The following DST variants were observed in gnomAD, a reference collection of about 807,000 sequenced individuals.
The protein encoded by DST is bullous pemphigoid antigen.
DST carries 253 observed loss-of-function variants against 875.2 expected under a neutral mutation model. The ratio of observed to expected loss-of-function variants is 0.29; its 90% confidence interval spans 0.26 to 0.32. The LOEUF is 0.32. Ranked by LOEUF, DST falls within the 10% of genes least tolerant of loss-of-function variation. The pLI is 1.00. For missense variants in DST, 8,287 were observed against 9,111.6 expected, an observed-to-expected ratio of 0.91 and a Z score of 3.68; for synonymous variants, 3,124 against 3,197.1, an observed-to-expected ratio of 0.98 and a Z score of 0.77.
At chr6:56,739,536 G>A (rs569609148) in intron 4 of DST, among the ~76,000 whole-genome samples, 1 of 152,226 alleles carries the variant, frequency 6.6e-6, no homozygotes, top group East Asian at 1.9e-4. Flanking sequence ...TCTTGAATAG[G>A]AGCTAGGTAA....
rs1202507145 is a variant in DST at position 56,557,449 on chromosome 6, T to C, written c.14510A>G (p.Asn4837Ser). The change falls in exon 59 of 104, where the codon AAT becomes AGT. Residue 4837 changes from asparagine to serine, a missense_variant. Around this residue, in one of 10 missense-constraint regions of DST, gnomAD observed 1,513 missense variants for 1,677.8 expected, o/e 0.90. Coordinates refer to ENST00000680361, the MANE Select transcript of DST (RefSeq NM_001374736.1). ...CTCTACAGTCTGGAACTGGGTTAGA[T>C]TATTGGAGGATTCTTCCAGTTTTTG... is the stretch of plus-strand genomic sequence containing the variant. ...RQQKLEESSN[N>S]LTQFQTVEAQ... 5.6e-6 allele frequency: 9 copies of C among 1,613,612 alleles called. No homozygotes were observed. Among genetic ancestry groups the C allele is most frequent in the Non-Finnish European group, 7.6e-6 (9 of 1,179,706 alleles).
At chr6:56,747,157 A>G (rs1362223513) in intron 4 of DST, among the ~76,000 whole-genome samples, 1 of 152,250 alleles carries the variant, frequency 6.6e-6, no homozygotes, top group Non-Finnish European at 1.5e-5. Context: ...GCCACAGAAC[A>G]AAACAAATGG....
chr6:56,487,016 G>T, intron 87 of DST, 88 bp downstream of exon 87: 1 of 1,293,596 alleles, frequency 7.7e-7, no homozygotes, highest in Non-Finnish European at 1.1e-6. Flanking sequence ...AAATATTTAA[G>T]GTTCCCGAAA....
intron 4 of DST, among the ~76,000 whole-genome samples, chr6:56,779,493 T>C (rs2099687328): frequency 6.6e-6 from 1 of 152,104 alleles, no homozygotes; most frequent in African/African-American, 2.4e-5. Context: ...GTCTAGGTTT[T>C]CTTCAAGGGT....
At chr6:56,776,768 A>G (rs1214635191) in intron 4 of DST, among the ~76,000 whole-genome samples, 1 of 152,172 alleles carries the variant, frequency 6.6e-6, no homozygotes, top group Admixed American at 6.5e-5. Context: ...CACCTAAATT[A>G]TTTATTTTTA....
At chr6:56,811,755 C>T (rs2099760202) in intron 4 of DST, among the ~76,000 whole-genome samples, 1 of 152,158 alleles carries the variant, frequency 6.6e-6, no homozygotes, top group African/African-American at 2.4e-5. Flanking sequence ...AAAGCACTCA[C>T]TTCTTTATTA....
intron 55 of DST, 104 bp downstream of exon 55, chr6:56,568,365 T>G: frequency 8.0e-7 from 1 of 1,255,148 alleles, no homozygotes; most frequent in Non-Finnish European, 1.1e-6. Flanking sequence ...CACTTTGTAT[T>G]TCTGAGGTTA....
chr6:56,515,995 T>A (rs890957201), intron 71 of DST, among the ~76,000 whole-genome samples: 1 of 151,840 alleles, frequency 6.6e-6, no homozygotes, highest in Admixed American at 6.6e-5. Flanking sequence ...AGAAAAAAAA[T>A]AAAGACCACT....
At chr6:56,566,889 A>G (rs142191821) in intron 55 of DST, among the ~76,000 whole-genome samples, 2,013 of 152,312 alleles carry the variant, frequency 0.013, 34 homozygotes, top group Non-Finnish European at 0.019. Flanking sequence ...AAAAGAAAAT[A>G]AATCGATTAT....
intron 16 of DST, 22 bp downstream of exon 16, chr6:56,642,388 A>G (rs1379777816): frequency 1.3e-6 from 2 of 1,552,594 alleles, no homozygotes; most frequent in Admixed American, 1.7e-5. Flanking sequence ...CACAACCCCA[A>G]TGGCTCCTAA....
intron 4 of DST, among the ~76,000 whole-genome samples, chr6:56,840,879 A>G (rs1209458602): frequency 6.6e-6 from 1 of 152,202 alleles, no homozygotes; most frequent in African/African-American, 2.4e-5. Flanking sequence ...TCCACCACTT[A>G]CACTACTCAA....
In DST at chr6:56,471,242, A is replaced by T; in HGVS notation, c.22185T>A (p.Phe7395Leu). ...EELREFANFD[F>L]DIWRKKYMRW... ...GCATGTATTTTTTGCGCCAGATATC[A>T]AAATCAAAGTTAGCAAATTCCCTCA... The change falls in exon 95 of 104, where the codon TTT becomes TTA. Residue 7395 changes from phenylalanine (F) to leucine (L), a missense_variant. By Grantham distance (22) the Phe-to-Leu change is conservative. Around this residue, in one of 10 missense-constraint regions of DST, gnomAD observed 1,292 missense variants for 1,552.7 expected, o/e 0.83. Transcript: ENST00000680361. 1.3e-6 allele frequency: 2 copies of T among 1,592,572 alleles called. No individual in the cohort carries two copies. Among genetic ancestry groups the T allele is most frequent in the Non-Finnish European group, 8.6e-7 (1 of 1,168,310 alleles).
intron 1 of DST, 50 bp from the exon 2 acceptor site, chr6:56,953,869 C>T (rs1164390435): frequency 2.4e-6 from 3 of 1,269,990 alleles, no homozygotes. Flanking sequence ...TTGTTCTTCA[C>T]CTACCGAGTG....
chr6:56,524,498 G>C (rs1479670263), intron 69 of DST, among the ~76,000 whole-genome samples: 2 of 152,098 alleles, frequency 1.3e-5, no homozygotes, highest in East Asian at 1.9e-4. Flanking sequence ...GAATGAGATA[G>C]GGATTAAATT....
At chr6:56,692,576 T>C in intron 9 of DST, 2 of 1,289,802 alleles carry the variant, frequency 1.6e-6, no homozygotes, top group Non-Finnish European at 2.0e-6. Context: ...GATCTTTCTA[T>C]ACCCGAGGGA....
chr6:56,851,190 G>A (rs143459308), intron 4 of DST: 1 of 570,796 alleles, frequency 1.8e-6, no homozygotes, highest in Non-Finnish European at 3.1e-6. Context: ...CAGAAGGCAG[G>A]GCCAAACAGC....
intron 4 of DST, among the ~76,000 whole-genome samples, chr6:56,805,604 G>A (rs753973377): frequency 8.5e-5 from 13 of 152,320 alleles, no homozygotes; most frequent in Middle Eastern, 6.8e-3. Context: ...AGCATGGGAT[G>A]TCACTTTTCA....
At chr6:56,546,026 C>T (rs770024061) in intron 61 of DST, among the ~76,000 whole-genome samples, 8 of 151,886 alleles carry the variant, frequency 5.3e-5, no homozygotes, top group Admixed American at 1.3e-4. Flanking sequence ...GAATATGCAT[C>T]ATATGAATAT....
chr6:56,816,646 C>T (rs1561986325), intron 4 of DST, among the ~76,000 whole-genome samples: 1 of 152,130 alleles, frequency 6.6e-6, no homozygotes, highest in Admixed American at 6.5e-5. Context: ...ATAAACAATA[C>T]CATAGGAATC....
Sources: allele counts gnomAD v4.1 joint callset (sites outside exome capture counted in the v4.1 genomes callset), GRCh38; gene constraint gnomAD v4.1.1; regional missense constraint gnomAD v4.1.1; transcripts MANE v1.5; gene names NCBI Gene and HGNC (gene_info 2026-07-23, HGNC 2026-07-21).